Variants in EIF5B observed in about 807,000 individuals in gnomAD.
The protein encoded by EIF5B is eukaryotic translation initiation factor 5B, also known as eIF-5B.
EIF5B carries 47 observed loss-of-function variants against 147.5 expected under a neutral mutation model. That is an observed-to-expected ratio of 0.32 (90% CI 0.25 to 0.41). EIF5B has a LOEUF of 0.41. EIF5B is among the 10% of genes least tolerant of loss of function. The pLI is 1.00. For synonymous variants in EIF5B, 455 were observed against 456.2 expected (o/e 1.00, Z 0.03); for missense variants, 1,064 against 1,413.2 (o/e 0.75, Z 3.96).
intron 17 of EIF5B, among the ~76,000 whole-genome samples, chr2:99,392,016 GC>G (rs915247614): frequency 6.6e-6 from 1 of 151,184 alleles, no homozygotes; most frequent in African/African-American, 2.4e-5. Context: ...GAGCCACCAT[GC>G]CTGGCCTATA....
At chr2:99,372,122 T>C (rs568398680) in intron 9 of EIF5B, among the ~76,000 whole-genome samples, 17 of 152,354 alleles carry the variant, frequency 1.1e-4, no homozygotes, top group Non-Finnish European at 2.2e-4. Context: ...CCTTCTTTAT[T>C]ACTGAAATCT....
intron 23 of EIF5B, 64 bp downstream of exon 23, chr2:99,398,973 G>A: frequency 6.5e-7 from 1 of 1,548,118 alleles, no homozygotes; most frequent in Non-Finnish European, 8.8e-7. Context: ...TGGGTCACCT[G>A]TACCTGTAGC....
At chr2:99,382,327 C>T (rs1179840326) in intron 13 of EIF5B, 101 bp downstream of exon 13, 1 of 875,796 alleles carries the variant, frequency 1.1e-6, no homozygotes, top group Non-Finnish European at 1.8e-6. Flanking sequence ...AATTTGATCT[C>T]TATAACTACC....
chr2:99,379,232 A>G lies in EIF5B; in HGVS notation c.1951-86A>G, dbSNP rs772759445. 697 of 1,435,892 alleles carry G rather than the reference A, an allele frequency of 4.9e-4. 11 individuals carry two copies. The highest frequency in any genetic ancestry group is 5.3e-4 in the Middle Eastern group (3 of 5,652). The allele number at this position is 1,435,892 out of a possible 1,614,324, so 88.9% of individuals were successfully genotyped here. ...AGGACATATAAGCAATTCTGCTTAC[A>G]ATAAATAAGTTGCTAATTTCTTATT... On this transcript the variant is annotated intron_variant, in intron 11 of 23. Coordinates refer to ENST00000289371, the MANE Select transcript of EIF5B (RefSeq NM_015904.4).
rs754286778 is a variant in EIF5B at position 99,362,947 on chromosome 2, TG to T, written c.920-694del. ...CTAATTTTTGTATTTTTAGTAGAGA[TG>T]GGGTTTCGTCATGTTCGCCAGGCTG... is the stretch of plus-strand genomic sequence containing the variant. On this transcript the variant is annotated intron_variant, in intron 4 of 23. Transcript: ENST00000289371. 4.0e-5 allele frequency among the ~76,000 whole-genome samples: 6 copies of T among 151,858 alleles called. No homozygotes were observed. The East Asian group carries it at 5.9e-4, about 15-fold the overall frequency.
intron 14 of EIF5B, among the ~76,000 whole-genome samples, chr2:99,383,663 T>C (rs947193717): frequency 6.6e-6 from 1 of 152,202 alleles, no homozygotes; most frequent in Non-Finnish European, 1.5e-5. Flanking sequence ...AAGTTACAAG[T>C]TGAAGCAGCA....
chr2:99,348,080 A>G (rs115604919), intron 1 of EIF5B, among the ~76,000 whole-genome samples: 2,183 of 152,290 alleles, frequency 0.014, 22 homozygotes, highest in Middle Eastern at 0.027. Context: ...AACTTAGGGT[A>G]TGTGTATCGG....
At chr2:99,343,060 A>G (rs946067527) in intron 1 of EIF5B, among the ~76,000 whole-genome samples, 1 of 151,234 alleles carries the variant, frequency 6.6e-6, no homozygotes, top group Admixed American at 6.6e-5. Flanking sequence ...TCCTGGATTC[A>G]AGCGATTCTC....
Position 99,346,543 on chromosome 2 carries a change from G to A in EIF5B, c.35+8954G>A, listed in dbSNP as rs970365944. ...GGAGTACAGAGACTGAGTTTGCTTTGAGCACTTACCATGTGATTAGTTATT... is the reference window on the plus strand; with the variant it reads ...GGAGTACAGAGACTGAGTTTGCTTTAAGCACTTACCATGTGATTAGTTATT... On this transcript the variant is annotated intron_variant, in intron 1 of 23. Coordinates refer to ENST00000289371, the MANE Select transcript of EIF5B (RefSeq NM_015904.4). Among the ~76,000 whole-genome samples, 15 of 145,880 alleles carry A rather than the reference G, an allele frequency of 1.0e-4. No individual in the cohort carries two copies. The South Asian group carries it at 3.4e-3, about 33-fold the overall frequency.
intron 1 of EIF5B, among the ~76,000 whole-genome samples, chr2:99,345,068 A>G (rs183687774): frequency 5.0e-4 from 76 of 152,350 alleles, no homozygotes; most frequent in Non-Finnish European, 9.7e-4. Context: ...AGATAAATGA[A>G]ATGTCATTGT....
intron 1 of EIF5B, among the ~76,000 whole-genome samples, chr2:99,352,739 C>T (rs980905154): frequency 4.0e-5 from 6 of 151,830 alleles, no homozygotes; most frequent in African/African-American, 1.2e-4. Flanking sequence ...CCTCCCAAAG[C>T]GCTAAGATTA....
At chr2:99,341,385 A>G (rs2094259178) in intron 1 of EIF5B, among the ~76,000 whole-genome samples, 1 of 152,240 alleles carries the variant, frequency 6.6e-6, no homozygotes, top group African/African-American at 2.4e-5. Flanking sequence ...TAAATTAATA[A>G]GAAAACAGAT....
At chr2:99,377,002 ATC>A (rs1340747047) in intron 10 of EIF5B, among the ~76,000 whole-genome samples, 1 of 152,182 alleles carries the variant, frequency 6.6e-6, no homozygotes, top group African/African-American at 2.4e-5. Context: ...ACCATGAGGC[ATC>A]TGATCACTAT....
At position 99,368,610 on chromosome 2, in the gene EIF5B, C is replaced by T. The variant is rs921508319; in HGVS notation, c.1387+19C>T. ...AAAGAAGGTTTGTATACAAAATAGCCTCTAATTTAGGAAATATGTTGTTTG... is the reference window on the plus strand; with the variant it reads ...AAAGAAGGTTTGTATACAAAATAGCTTCTAATTTAGGAAATATGTTGTTTG... On this transcript the variant is annotated intron_variant, in intron 7 of 23. Coordinates refer to ENST00000289371, the MANE Select transcript of EIF5B (RefSeq NM_015904.4). 6.4e-7 allele frequency: 1 copy of T among 1,555,854 alleles called. No individual in the cohort carries two copies. The highest frequency in any genetic ancestry group is 2.2e-5 in the East Asian group (1 of 44,446).
At chr2:99,382,299 C>T in intron 13 of EIF5B, 73 bp downstream of exon 13, 3 of 1,315,384 alleles carry the variant, frequency 2.3e-6, no homozygotes, top group Non-Finnish European at 3.3e-6. Context: ...TCAGCAGAGT[C>T]ATTAACCTTT....
At chr2:99,373,428 A>G (rs1217208587) in intron 9 of EIF5B, among the ~76,000 whole-genome samples, 2 of 152,148 alleles carry the variant, frequency 1.3e-5, no homozygotes, top group Non-Finnish European at 2.9e-5. Context: ...CACATGATGG[A>G]AGGGAGGGAA....
chr2:99,378,731 A>C (rs1401423489), intron 10 of EIF5B, among the ~76,000 whole-genome samples: 1 of 152,224 alleles, frequency 6.6e-6, no homozygotes, highest in African/African-American at 2.4e-5. Context: ...CATTAAAGTA[A>C]CTGTGTACAA....
At chr2:99,343,176 G>A (rs1420998411) in intron 1 of EIF5B, among the ~76,000 whole-genome samples, 5 of 151,300 alleles carry the variant, frequency 3.3e-5, no homozygotes, top group South Asian at 4.2e-4. Flanking sequence ...GGCTGGTCTC[G>A]AAATCCTCAC....
Position 99,371,640 on chromosome 2 carries a change from A to T in EIF5B, c.1478-16A>T. On this transcript the variant is annotated splice_polypyrimidine_tract_variant and intron_variant, in intron 8 of 23. Transcript: ENST00000289371. ...TAAATAATTTTTGTGTCTTAAATGCAAATTTTTACTTACAGAAGAAGAAGA... is the reference window on the plus strand; with the variant it reads ...TAAATAATTTTTGTGTCTTAAATGCTAATTTTTACTTACAGAAGAAGAAGA... The T allele has an allele frequency of 6.2e-7, 1 of 1,606,574 alleles. No homozygotes were observed.
Sources: allele counts gnomAD v4.1 joint callset (sites outside exome capture counted in the v4.1 genomes callset), GRCh38; gene constraint gnomAD v4.1.1; transcripts MANE v1.5; gene names NCBI Gene and HGNC (gene_info 2026-07-23, HGNC 2026-07-21).